DAB1: variants seen among roughly 807,000 people sequenced by gnomAD.
The protein encoded by DAB1 is disabled homolog 1.
In DAB1, 15 loss-of-function variants were observed where a neutral mutation model predicts 64.6. The observed-to-expected ratio is 0.23, with a 90% CI of 0.16 to 0.36. The LOEUF (loss-of-function observed/expected upper bound fraction) is 0.36. Among genes scored for constraint, DAB1 ranks in the 10% least tolerant of loss-of-function variants. DAB1 has a pLI of 1.00. For missense variants in DAB1, 596 were observed against 706.7 expected (o/e 0.84, Z 1.78); for synonymous variants, 235 against 251.9 (o/e 0.93, Z 0.64).
At chr1:58,209,893 G>C (rs1658467318) in intron 4 of DAB1, among the ~76,000 whole-genome samples, 1 of 152,110 alleles carries the variant, frequency 6.6e-6, no homozygotes, top group Non-Finnish European at 1.5e-5. Flanking sequence ...GTATAATGCA[G>C]GTGAATGTAA....
intron 5 of DAB1, among the ~76,000 whole-genome samples, chr1:57,907,931 A>ACACAC (rs1644580009): frequency 6.6e-6 from 1 of 150,586 alleles, no homozygotes; most frequent in Non-Finnish European, 1.5e-5. Context: ...ATACACACAC[A>ACACAC]CACACACACA....
At chr1:57,834,238 C>T (rs918959276) in intron 1 of DAB1, among the ~76,000 whole-genome samples, 1 of 152,062 alleles carries the variant, frequency 6.6e-6, no homozygotes. Flanking sequence ...GTGTGAAGTA[C>T]AAAATGAAGC....
At chr1:57,390,241 G>T (rs757590678) in intron 1 of DAB1, among the ~76,000 whole-genome samples, 1 of 152,320 alleles carries the variant, frequency 6.6e-6, no homozygotes, top group East Asian at 1.9e-4. Context: ...TGAATCAGAA[G>T]ACCTGATGGG....
chr1:57,300,702 C>A (rs1673572512), intron 1 of DAB1, among the ~76,000 whole-genome samples: 1 of 152,052 alleles, frequency 6.6e-6, no homozygotes, highest in Non-Finnish European at 1.5e-5. Context: ...GGTGTACAAC[C>A]CAAGGAGGCC....
intron 4 of DAB1, among the ~76,000 whole-genome samples, chr1:58,296,095 A>G (rs1469479911): frequency 6.8e-6 from 1 of 146,166 alleles, no homozygotes; most frequent in Non-Finnish European, 1.5e-5. Flanking sequence ...CTCTGTCTCA[A>G]AAAAAAAAAA....
chr1:57,675,964 A>T (rs1646561815), intron 6 of DAB1, among the ~76,000 whole-genome samples: 1 of 152,238 alleles, frequency 6.6e-6, no homozygotes, highest in African/African-American at 2.4e-5. Context: ...AACAGCACCC[A>T]GAAGTAGAGA....
intron 2 of DAB1, among the ~76,000 whole-genome samples, chr1:57,204,377 C>T (rs1402895564): frequency 6.6e-6 from 1 of 151,142 alleles, no homozygotes; most frequent in Non-Finnish European, 1.5e-5. Context: ...ATCTCTCACA[C>T]CTACGCAGAC....
chr1:57,426,137 CA>C (rs1283680793), upstream of DAB1, among the ~76,000 whole-genome samples: 1 of 152,186 alleles, frequency 6.6e-6, no homozygotes, highest in Non-Finnish European at 1.5e-5. Context: ...CATCTACATG[CA>C]TCTTAAGGCC....
chr1:57,518,519 C>A (rs1158788474), intron 7 of DAB1, among the ~76,000 whole-genome samples: 1 of 152,220 alleles, frequency 6.6e-6, no homozygotes, highest in Non-Finnish European at 1.5e-5. Context: ...ACAGAGCTCA[C>A]AACTGTCTGA....
At chr1:57,449,075 A>G (rs932460013) in intron 7 of DAB1, among the ~76,000 whole-genome samples, 2 of 152,160 alleles carry the variant, frequency 1.3e-5, no homozygotes, top group Non-Finnish European at 2.9e-5. Context: ...TTTAAAGGCT[A>G]TGACCGAGTA....
intron 7 of DAB1, among the ~76,000 whole-genome samples, chr1:57,491,377 G>A (rs9436544): frequency 0.093 from 14,175 of 152,078 alleles, 1,428 homozygotes; most frequent in African/African-American, 0.25. Context: ...GCAGTGAGCC[G>A]AGATTGCGCC....
At chr1:57,334,459 T>C (rs983359818) in intron 1 of DAB1, among the ~76,000 whole-genome samples, 4 of 152,238 alleles carry the variant, frequency 2.6e-5, no homozygotes, top group Admixed American at 6.5e-5. Flanking sequence ...ATTCCTGATA[T>C]AACGTCTTAC....
At chr1:57,673,913 T>C (rs1330550815) in intron 6 of DAB1, among the ~76,000 whole-genome samples, 4 of 152,098 alleles carry the variant, frequency 2.6e-5, no homozygotes. Context: ...CACATCCACA[T>C]GGAAACAGTC....
chr1:57,163,681 G>A (rs901930834), intron 2 of DAB1, among the ~76,000 whole-genome samples: 1 of 152,010 alleles, frequency 6.6e-6, no homozygotes, highest in Non-Finnish European at 1.5e-5. Context: ...CCAGATGAGT[G>A]ACGAGACAAG....
chr1:57,502,599 T>C (rs1324526098), intron 7 of DAB1, among the ~76,000 whole-genome samples: 3 of 152,180 alleles, frequency 2.0e-5, no homozygotes, highest in Non-Finnish European at 2.9e-5. Flanking sequence ...CCTTATCACA[T>C]ATAATAATGT....
chr1:57,665,560 A>G (rs556581201), intron 6 of DAB1, among the ~76,000 whole-genome samples: 3 of 152,300 alleles, frequency 2.0e-5, no homozygotes, highest in African/African-American at 7.2e-5. Flanking sequence ...AAAAATGTTC[A>G]GTGTAAGATT....
intron 6 of DAB1, among the ~76,000 whole-genome samples, chr1:57,762,442 GAAACT>G (rs1395245088): frequency 2.0e-4 from 30 of 152,208 alleles, no homozygotes; most frequent in African/African-American, 7.0e-4. Context: ...ATGTCAAAAT[GAAACT>G]AAACTAAACG....
chr1:58,036,041 T>C (rs530817252), intron 5 of DAB1, among the ~76,000 whole-genome samples: 2 of 152,194 alleles, frequency 1.3e-5, no homozygotes, highest in East Asian at 3.9e-4. Flanking sequence ...GGTGGGGCTA[T>C]AGGAATGAGG....
At chr1:57,629,164 G>A (rs1645957881) in intron 7 of DAB1, among the ~76,000 whole-genome samples, 1 of 152,168 alleles carries the variant, frequency 6.6e-6, no homozygotes, top group South Asian at 2.1e-4. Context: ...TCTCTGCTCT[G>A]TATTGCACTA....
Sources: gnomAD v4.1 joint callset for allele counts (sites outside exome capture counted in the v4.1 genomes callset) on GRCh38, gnomAD v4.1.1 for gene constraint, MANE v1.5 for transcripts, NCBI Gene and HGNC (gene_info 2026-07-23, HGNC 2026-07-21) for gene names.